Variants in LARS2 observed in about 807,000 individuals in gnomAD.
LARS2 encodes the protein leucyl-tRNA synthetase 2, mitochondrial.
In LARS2, 81 loss-of-function variants were observed where a neutral mutation model predicts 116.6. The ratio of observed to expected loss-of-function variants is 0.69; its 90% confidence interval spans 0.58 to 0.84. The LOEUF (loss-of-function observed/expected upper bound fraction) is 0.84, where lower values mean the gene tolerates loss of function less well. Among genes scored for constraint, LARS2 ranks in the 40% least tolerant of loss-of-function variants. The pLI is 0.00. For synonymous variants in LARS2, 396 were observed against 407.2 expected (o/e 0.97, Z 0.33); for missense variants, 968 against 1,114.5 (o/e 0.87, Z 1.87).
At chr3:45,520,142 G>A (rs1250811763) in intron 18 of LARS2, 77 bp from the exon 19 acceptor site, 4 of 952,762 alleles carry the variant, frequency 4.2e-6, no homozygotes, top group Admixed American at 2.0e-5. Context: ...CTTTTTTTTT[G>A]TTTTGATAAT....
chr3:45,422,436 TA>T (rs1449726999), intron 6 of LARS2: 1 of 152,196 alleles, frequency 6.6e-6, no homozygotes, highest in Admixed American at 6.5e-5. Context: ...ATAGGATAAA[TA>T]ACATATTTTC....
chr3:45,400,509 C>T (rs1014152788), intron 4 of LARS2, 136 bp downstream of exon 4: 2 of 793,708 alleles, frequency 2.5e-6, no homozygotes, highest in African/African-American at 3.5e-5. Context: ...ACATGAAAAG[C>T]TCAGTGTTTC....
chr3:45,424,727 T>A (rs925627735), intron 6 of LARS2, among the ~76,000 whole-genome samples: 2 of 152,234 alleles, frequency 1.3e-5, no homozygotes, highest in African/African-American at 4.8e-5. Context: ...AGAGTGTATC[T>A]CAGTGTCAAT....
At chr3:45,544,513 C>G (rs1271576602) in intron 21 of LARS2, among the ~76,000 whole-genome samples, 2 of 152,164 alleles carry the variant, frequency 1.3e-5, no homozygotes, top group Non-Finnish European at 2.9e-5. Flanking sequence ...TGAGCGCCGA[C>G]CCAGGGCCAC....
intron 20 of LARS2, chr3:45,538,447 C>T (rs1700743599): frequency 6.6e-6 from 1 of 152,250 alleles, no homozygotes; most frequent in Admixed American, 6.5e-5. Context: ...GTGATGATCT[C>T]TCTTCTGTGA....
chr3:45,481,302 T>G (rs1699696511), intron 10 of LARS2, among the ~76,000 whole-genome samples: 1 of 152,260 alleles, frequency 6.6e-6, no homozygotes, highest in Non-Finnish European at 1.5e-5. Context: ...TTTTTTACTA[T>G]AGTTATAAAT....
At position 45,520,289 on chromosome 3, in the gene LARS2, C is replaced by A. The variant is rs868411376; in HGVS notation, c.2285C>A (p.Ala762Asp). The change falls in exon 19 of 22, where the codon GCC becomes GAC. Residue 762 changes from alanine to aspartate, a missense_variant. By Grantham distance (126) the Ala-to-Asp change is moderately radical. Coordinates refer to ENST00000645846, the MANE Select transcript of LARS2 (RefSeq NM_015340.4). ...AISQLMGLSNALSQASQSVIL... is the reference protein window; with the variant it reads ...AISQLMGLSNDLSQASQSVIL... ...TCTCAGCTGATGGGACTCAGCAATG[C>A]CCTCTCGGTAAGTGGCCTGTCCTCA... 2.5e-6 allele frequency: 4 copies of A among 1,612,106 alleles called. No homozygotes were observed. Among genetic ancestry groups the A allele is most frequent in the Middle Eastern group, 3.3e-4 (2 of 6,060 alleles).
rs1459782974 is a variant in LARS2, at chr3:45,462,425, A to G, written c.750+3539A>G. 9.6e-5 allele frequency among the ~76,000 whole-genome samples: 10 copies of G among 104,292 alleles called. No individual in the cohort carries two copies. The East Asian group carries it at 2.4e-3, about 25-fold the overall frequency. 68.4% of individuals were successfully genotyped at this position (104,292 alleles called of 152,430 possible). On this transcript the variant is annotated intron_variant, in intron 8 of 21. Transcript: ENST00000645846. ...TCGAGACCCCAATTTCTACCAAAAAAAAAAAAAGAAAGAAAGAAAGAAAGA... is the reference window on the plus strand; with the variant it reads ...TCGAGACCCCAATTTCTACCAAAAAGAAAAAAAGAAAGAAAGAAAGAAAGA...
intron 18 of LARS2, chr3:45,519,786 T>C (rs570133469): frequency 6.2e-6 from 1 of 162,206 alleles, no homozygotes; most frequent in East Asian, 1.9e-4. Context: ...TAGCTGGGAT[T>C]ACAGGTATGC....
intron 15 of LARS2, among the ~76,000 whole-genome samples, chr3:45,511,598 G>A (rs79939301): frequency 0.046 from 6,954 of 151,578 alleles, 236 homozygotes; most frequent in Non-Finnish European, 0.067. Context: ...AGTTATAAAA[G>A]ACGAGGCAAA....
chr3:45,400,878 G>C (rs1698134944), intron 4 of LARS2, among the ~76,000 whole-genome samples: 1 of 151,738 alleles, frequency 6.6e-6, no homozygotes, highest in African/African-American at 2.4e-5. Flanking sequence ...CAGTGACGCA[G>C]TCTCGGCTCA....
At chr3:45,520,341 G>A in intron 19 of LARS2, 45 bp downstream of exon 19, 1 of 1,517,670 alleles carries the variant, frequency 6.6e-7, no homozygotes. Flanking sequence ...GAGGGAGGGA[G>A]AGGTGTGGCA....
chr3:45,489,929 C>G (rs2043766412), intron 12 of LARS2, among the ~76,000 whole-genome samples: 1 of 152,158 alleles, frequency 6.6e-6, no homozygotes, highest in African/African-American at 2.4e-5. Flanking sequence ...TCTGAATCAC[C>G]TGGGAGGTGC....
rs114814893 is a variant in LARS2, at chr3:45,493,826, A to G, written c.1523+2026A>G. ...AAACATGTTAGTTGCCTTCAAGTCC[A>G]ACAAGACCATTAAAAAGGAAATCAG... is the stretch of plus-strand genomic sequence containing the variant. On this transcript the variant is annotated intron_variant, in intron 13 of 21. Coordinates refer to ENST00000645846, the MANE Select transcript of LARS2 (RefSeq NM_015340.4). Among the ~76,000 whole-genome samples, 336 of 152,232 alleles carry G rather than the reference A, an allele frequency of 2.2e-3. 1 individual carries two copies. Among genetic ancestry groups the G allele is most frequent in the African/African-American group, 7.2e-3 (297 of 41,538 alleles).
intron 19 of LARS2, among the ~76,000 whole-genome samples, chr3:45,523,531 CTTT>C (rs749617499): frequency 2.1e-5 from 3 of 140,260 alleles, no homozygotes; most frequent in Non-Finnish European, 1.6e-5. Flanking sequence ...GCTGCTGGAG[CTTT>C]TTTTTTTTTT....
chr3:45,508,782 A>G (rs559641085), intron 15 of LARS2, among the ~76,000 whole-genome samples: 4 of 148,044 alleles, frequency 2.7e-5, no homozygotes, highest in East Asian at 3.9e-4. Context: ...AACATGGCCA[A>G]TCAATCAATG....
At chr3:45,463,779 T>C (rs1699374896) in intron 8 of LARS2, among the ~76,000 whole-genome samples, 1 of 152,014 alleles carries the variant, frequency 6.6e-6, no homozygotes, top group Non-Finnish European at 1.5e-5. Flanking sequence ...AGCTTAGACT[T>C]TAGTGCCACA....
chr3:45,392,583 T>G (rs900777727), intron 2 of LARS2, among the ~76,000 whole-genome samples: 1 of 152,010 alleles, frequency 6.6e-6, no homozygotes, highest in African/African-American at 2.4e-5. Flanking sequence ...ACGTGAACCA[T>G]TGCCCGTGGC....
chr3:45,470,366 A>G (rs1243274761), intron 8 of LARS2, among the ~76,000 whole-genome samples: 1 of 152,176 alleles, frequency 6.6e-6, no homozygotes, highest in African/African-American at 2.4e-5. Flanking sequence ...ATTTTGTATT[A>G]GTAAAACCTT....
Sources: gnomAD v4.1 joint callset for allele counts (sites outside exome capture counted in the v4.1 genomes callset) on GRCh38, gnomAD v4.1.1 for gene constraint, MANE v1.5 for transcripts, NCBI Gene and HGNC (gene_info 2026-07-23, HGNC 2026-07-21) for gene names.